Variants in NKAIN3 observed in about 807,000 individuals in gnomAD.
The protein encoded by NKAIN3 is sodium/potassium-transporting ATPase subunit beta-1-interacting protein 3.
NKAIN3 carries 25 observed loss-of-function variants against 30.2 expected under a neutral mutation model. The observed-to-expected ratio is 0.83, with a 90% CI of 0.60 to 1.16. The LOEUF (loss-of-function observed/expected upper bound fraction) is 1.16, where lower values mean the gene tolerates loss of function less well. NKAIN3 is among the 50% of genes most tolerant of loss of function. The probability of loss-of-function intolerance (pLI) is 0.00; values close to 1 mark genes in which losing one functional copy is unlikely to be tolerated. For missense variants in NKAIN3, 225 were observed against 254.1 expected (o/e 0.89, Z 0.78); for synonymous variants, 91 against 89.6 (o/e 1.02, Z -0.09).
At chr8:62,892,769 C>T (rs1821330300) in intron 4 of NKAIN3, among the ~76,000 whole-genome samples, 1 of 152,128 alleles carries the variant, frequency 6.6e-6, no homozygotes. Context: ...CTATTAGCTT[C>T]TCACAAACAA....
chr8:62,497,741 G>C (rs1219956118), intron 1 of NKAIN3, among the ~76,000 whole-genome samples: 1 of 152,104 alleles, frequency 6.6e-6, no homozygotes, highest in East Asian at 1.9e-4. Context: ...CAGGAGTCCT[G>C]CACTGTGCAG....
At chr8:62,434,360 C>T (rs531913756) in intron 1 of NKAIN3, among the ~76,000 whole-genome samples, 4 of 152,112 alleles carry the variant, frequency 2.6e-5, no homozygotes, top group South Asian at 4.1e-4. Flanking sequence ...GGGAACAATT[C>T]CTGGATGCAG....
chr8:62,958,440 G>A (rs1294530720), intron 6 of NKAIN3, among the ~76,000 whole-genome samples: 7 of 152,044 alleles, frequency 4.6e-5, no homozygotes, highest in African/African-American at 1.4e-4. Flanking sequence ...AGTCTCCACC[G>A]GGATCTACTC....
At chr8:62,652,941 A>C (rs1812667760) in intron 3 of NKAIN3, among the ~76,000 whole-genome samples, 1 of 152,136 alleles carries the variant, frequency 6.6e-6, no homozygotes, top group Admixed American at 6.6e-5. Flanking sequence ...TGATAACAAG[A>C]GCCTGAAAGA....
intron 1 of NKAIN3, among the ~76,000 whole-genome samples, chr8:62,253,677 T>C (rs79039996): frequency 0.03 from 4,620 of 152,274 alleles, 113 homozygotes; most frequent in Non-Finnish European, 0.043. Flanking sequence ...TAACTTCCTT[T>C]CCATACCACA....
chr8:62,303,738 T>G (rs1185941473), intron 1 of NKAIN3, among the ~76,000 whole-genome samples: 1 of 150,546 alleles, frequency 6.6e-6, no homozygotes, highest in Non-Finnish European at 1.5e-5. Context: ...CTGTATAATT[T>G]AAAAAAGTGC....
intron 4 of NKAIN3, among the ~76,000 whole-genome samples, chr8:62,886,388 T>C (rs1296972400): frequency 1.3e-5 from 2 of 152,034 alleles, no homozygotes; most frequent in African/African-American, 2.4e-5. Context: ...GAATAAGCTA[T>C]TGTCTATTAG....
intron 4 of NKAIN3, among the ~76,000 whole-genome samples, chr8:62,872,614 T>A (rs181264556): frequency 1.3e-5 from 2 of 152,346 alleles, no homozygotes; most frequent in East Asian, 3.9e-4. Context: ...TTTGTTTTTT[T>A]AAATGAATAA....
At chr8:62,731,172 G>A (rs773352523) in intron 3 of NKAIN3, among the ~76,000 whole-genome samples, 2 of 151,558 alleles carry the variant, frequency 1.3e-5, no homozygotes, top group African/African-American at 2.4e-5. Flanking sequence ...CAAAACTGAA[G>A]TGCTCATTGC....
intron 4 of NKAIN3, among the ~76,000 whole-genome samples, chr8:62,763,188 T>A: frequency 8.9e-6 from 1 of 112,746 alleles, no homozygotes; most frequent in East Asian, 2.9e-4. Flanking sequence ...GGCACTGAAC[T>A]CCAGCCTGGG....
intron 3 of NKAIN3, among the ~76,000 whole-genome samples, chr8:62,664,764 G>A (rs1813048326): frequency 6.6e-6 from 1 of 152,118 alleles, no homozygotes; most frequent in Non-Finnish European, 1.5e-5. Flanking sequence ...ACAGTGTTTA[G>A]ATAACATACT....
intron 1 of NKAIN3, among the ~76,000 whole-genome samples, chr8:62,289,903 C>T (rs1487717297): frequency 6.6e-6 from 1 of 152,076 alleles, no homozygotes; most frequent in Non-Finnish European, 1.5e-5. Flanking sequence ...TTGTTTGTGT[C>T]TTCTTTTATT....
intron 5 of NKAIN3, among the ~76,000 whole-genome samples, chr8:62,919,775 T>C (rs1257509661): frequency 1.3e-5 from 2 of 152,130 alleles, no homozygotes; most frequent in Non-Finnish European, 2.9e-5. Flanking sequence ...GCATGATATA[T>C]GAGTTGGAAT....
At chr8:62,301,579 C>T (rs1453399482) in intron 1 of NKAIN3, among the ~76,000 whole-genome samples, 2 of 152,052 alleles carry the variant, frequency 1.3e-5, no homozygotes, top group Non-Finnish European at 2.9e-5. Flanking sequence ...AGTTAGGTTA[C>T]AATTCACTAT....
At chr8:62,469,179 A>G (rs558904835) in intron 1 of NKAIN3, among the ~76,000 whole-genome samples, 84 of 152,310 alleles carry the variant, frequency 5.5e-4, no homozygotes, top group African/African-American at 1.9e-3. Context: ...GTTTAGTGTC[A>G]TGCCTTCTGA....
intron 4 of NKAIN3, among the ~76,000 whole-genome samples, chr8:62,785,193 A>G (rs1191287171): frequency 1.3e-5 from 2 of 152,184 alleles, no homozygotes; most frequent in Non-Finnish European, 2.9e-5. Context: ...ATAACAGCCA[A>G]ACCATAATTA....
At chr8:62,922,110 G>A (rs990565861) in intron 5 of NKAIN3, among the ~76,000 whole-genome samples, 6 of 152,066 alleles carry the variant, frequency 3.9e-5, no homozygotes, top group African/African-American at 1.4e-4. Context: ...CCTCAGATGT[G>A]GGTTCAATAT....
chr8:62,974,260 G>A lies in NKAIN3; in HGVS notation c.*8853G>A, dbSNP rs994422890. Among the ~76,000 whole-genome samples, 1 of 151,232 alleles carries A rather than the reference G, an allele frequency of 6.6e-6. No homozygotes were observed. Among genetic ancestry groups the A allele is most frequent in the African/African-American group, 2.4e-5 (1 of 41,390 alleles). On this transcript the variant is annotated 3_prime_UTR_variant, in exon 7 of 7. Coordinates refer to ENST00000623646, the MANE Select transcript of NKAIN3 (RefSeq NM_001304533.3). ...ATCTATAAATTACTTTGGGCAGTATGGCCATTTTTACAATATTGATTCTTC... is the reference window on the plus strand; with the variant it reads ...ATCTATAAATTACTTTGGGCAGTATAGCCATTTTTACAATATTGATTCTTC...
intron 3 of NKAIN3, among the ~76,000 whole-genome samples, chr8:62,661,279 G>C (rs1393068334): frequency 1.3e-5 from 2 of 152,088 alleles, no homozygotes; most frequent in African/African-American, 4.8e-5. Context: ...TGATCATGAG[G>C]TTGGTAATGC....
Sources: gnomAD v4.1 joint callset for allele counts (sites outside exome capture counted in the v4.1 genomes callset) on GRCh38, gnomAD v4.1.1 for gene constraint, MANE v1.5 for transcripts, NCBI Gene and HGNC (gene_info 2026-07-23, HGNC 2026-07-21) for gene names.